Variants in GPBP1L1 observed in about 807,000 individuals in gnomAD.
The protein encoded by GPBP1L1 is GC-rich promoter binding protein 1 like 1, also known as vasculin-like protein 1.
GPBP1L1 carries 23 observed loss-of-function variants against 52.5 expected under a neutral mutation model. That is an observed-to-expected ratio of 0.44 (90% CI 0.32 to 0.62). GPBP1L1 has a LOEUF of 0.62. GPBP1L1 is among the 20% of genes least tolerant of loss of function. The probability of loss-of-function intolerance (pLI) is 0.06; values close to 1 mark genes in which losing one functional copy is unlikely to be tolerated. For missense variants in GPBP1L1, 596 were observed against 579.3 expected, an observed-to-expected ratio of 1.03 and a Z score of -0.30; for synonymous variants, 243 against 203.1, an observed-to-expected ratio of 1.20 and a Z score of -1.67.
At chr1:45,628,665 T>A (rs1315104017) in intron 12 of GPBP1L1, among the ~76,000 whole-genome samples, 1 of 152,154 alleles carries the variant, frequency 6.6e-6, no homozygotes, top group Non-Finnish European at 1.5e-5. Flanking sequence ...TATTTCTTTT[T>A]ATTTATTTAT....
At chr1:45,670,091 C>T (rs1186243993) in intron 2 of GPBP1L1, among the ~76,000 whole-genome samples, 3 of 152,196 alleles carry the variant, frequency 2.0e-5, no homozygotes, top group Non-Finnish European at 4.4e-5. Flanking sequence ...TTCTGAACAA[C>T]GTGTAACCAG....
At chr1:45,644,320 A>G (rs1177074066) in intron 6 of GPBP1L1, among the ~76,000 whole-genome samples, 1 of 152,234 alleles carries the variant, frequency 6.6e-6, no homozygotes, top group Non-Finnish European at 1.5e-5. Flanking sequence ...TCTCAGAGAC[A>G]ATGCTCCTAT....
chr1:45,659,194 T>C (rs1644918435), intron 3 of GPBP1L1, 52 bp from the exon 4 acceptor site: 2 of 1,034,426 alleles, frequency 1.9e-6, no homozygotes, highest in Non-Finnish European at 1.5e-6. Flanking sequence ...CTGATACCAA[T>C]GTGTAAAGGA....
intron 2 of GPBP1L1, among the ~76,000 whole-genome samples, chr1:45,684,599 C>G (rs1341046888): frequency 1.3e-5 from 2 of 151,920 alleles, no homozygotes; most frequent in Non-Finnish European, 2.9e-5. Context: ...TCCCCCCACA[C>G]CACAAATCAA....
At chr1:45,635,198 G>C (rs762156394) in intron 8 of GPBP1L1, 1 of 152,150 alleles carries the variant, frequency 6.6e-6, no homozygotes, top group African/African-American at 2.4e-5. Flanking sequence ...GGATGACACT[G>C]ACAATAAGGA....
intron 5 of GPBP1L1, 135 bp downstream of exon 5, chr1:45,655,053 TAA>T: frequency 8.8e-7 from 1 of 1,134,834 alleles, no homozygotes; most frequent in South Asian, 1.4e-5. Flanking sequence ...TGTAGTTGCG[TAA>T]TGACTACTAG....
rs752561290 is a variant in GPBP1L1 at position 45,664,863 on chromosome 1, GA to G, written c.-1097-3639del. On this transcript the variant is annotated intron_variant, in intron 2 of 12. Coordinates refer to ENST00000355105, the MANE Select transcript of GPBP1L1 (RefSeq NM_021639.5). ...CCGGTTAATTTTTGTATTTTTAGCAGAGATAGAGTTTCGCCATGTTAGCCAG... is the reference window on the plus strand; with the variant it reads ...CCGGTTAATTTTTGTATTTTTAGCAGGATAGAGTTTCGCCATGTTAGCCAG... Among the ~76,000 whole-genome samples, 234 of 152,170 alleles carry G rather than the reference GA, an allele frequency of 1.5e-3. 1 individual carries two copies. Among genetic ancestry groups the G allele is most frequent in the Non-Finnish European group, 2.6e-3 (177 of 68,018 alleles).
intron 2 of GPBP1L1, among the ~76,000 whole-genome samples, chr1:45,675,916 T>C (rs1645134109): frequency 6.6e-6 from 1 of 152,228 alleles, no homozygotes. Context: ...ATAGTATGTT[T>C]ATCTTTAAAT....
At chr1:45,682,808 G>A (rs1645226923) in intron 2 of GPBP1L1, among the ~76,000 whole-genome samples, 1 of 151,998 alleles carries the variant, frequency 6.6e-6, no homozygotes, top group Non-Finnish European at 1.5e-5. Flanking sequence ...GTATACCTGT[G>A]GACAAAAGTT....
intron 6 of GPBP1L1, among the ~76,000 whole-genome samples, chr1:45,643,377 A>G (rs925342185): frequency 2.0e-5 from 3 of 152,146 alleles, no homozygotes; most frequent in African/African-American, 7.2e-5. Context: ...GGTAATGAGG[A>G]TCCATCTTTC....
At chr1:45,642,537 C>G (rs775496811) in intron 6 of GPBP1L1, 38 bp from the exon 7 acceptor site, 1 of 1,549,044 alleles carries the variant, frequency 6.5e-7, no homozygotes, top group South Asian at 1.1e-5. Context: ...ATACAGAAAG[C>G]TGATCATTTT....
At chr1:45,632,019 G>A (rs1240125469) in intron 10 of GPBP1L1, among the ~76,000 whole-genome samples, 1 of 151,972 alleles carries the variant, frequency 6.6e-6, no homozygotes, top group East Asian at 1.9e-4. Flanking sequence ...TCTGGAATCC[G>A]AGACCAGCCT....
chr1:45,667,782 T>C lies in GPBP1L1; in HGVS notation c.-1097-6557A>G, dbSNP rs116465352. On this transcript the variant is annotated intron_variant, in intron 2 of 12. Transcript: ENST00000355105. ...TCCAGTTCTTTGAGACAGAGTCTCATTGTCGCCCAGGCTGGAGTACAATGG... is the reference window on the plus strand; with the variant it reads ...TCCAGTTCTTTGAGACAGAGTCTCACTGTCGCCCAGGCTGGAGTACAATGG... Among the ~76,000 whole-genome samples, 1,066 of 152,312 alleles carry C rather than the reference T, an allele frequency of 7.0e-3. 13 individuals carry two copies. The highest frequency in any genetic ancestry group is 0.025 in the African/African-American group (1,025 of 41,560).
At chr1:45,633,969 A>G (rs1022016739) in intron 9 of GPBP1L1, 127 bp downstream of exon 9, 12 of 1,104,692 alleles carry the variant, frequency 1.1e-5, no homozygotes, top group Non-Finnish European at 7.7e-6. Flanking sequence ...AAACATCAAT[A>G]AAGAAACTAT....
At chr1:45,680,055 G>A (rs1401726891) in intron 2 of GPBP1L1, among the ~76,000 whole-genome samples, 1 of 152,022 alleles carries the variant, frequency 6.6e-6, no homozygotes, top group South Asian at 2.1e-4. Context: ...ACTCCAATCT[G>A]AGCAACAGAG....
chr1:45,670,825 CTCTGTCACCCAGGCTGGAG>C (rs1645065731), intron 2 of GPBP1L1, among the ~76,000 whole-genome samples: 9 of 134,062 alleles, frequency 6.7e-5, no homozygotes, highest in African/African-American at 2.2e-4. Flanking sequence ...TGGAGTCTCA[CTCTGTCACCCAGGCTGGAG>C]TGCAGTGGTG....
upstream of GPBP1L1, chr1:45,687,982 C>A (rs1054696573): frequency 1.3e-5 from 2 of 152,182 alleles, no homozygotes; most frequent in African/African-American, 2.4e-5. Context: ...ACTCTACTTA[C>A]CCGAACTCTG....
Position 45,684,589 on chromosome 1 carries a change from T to TC in GPBP1L1, c.-1098+986dup, listed in dbSNP as rs147804149. ...TCAAAATAAAGGTTTCCCCAAGAGT[T>TC]CCCCCCACACCACAAATCAAGAGCT... On this transcript the variant is annotated intron_variant, in intron 2 of 12. Coordinates refer to ENST00000355105, the MANE Select transcript of GPBP1L1 (RefSeq NM_021639.5). 3.0e-3 allele frequency among the ~76,000 whole-genome samples: 455 copies of TC among 151,492 alleles called. 4 individuals carry two copies. Among genetic ancestry groups the TC allele is most frequent in the East Asian group, 0.022 (114 of 5,136 alleles).
At chr1:45,680,947 G>A (rs1441328774) in intron 2 of GPBP1L1, among the ~76,000 whole-genome samples, 1 of 152,078 alleles carries the variant, frequency 6.6e-6, no homozygotes, top group Non-Finnish European at 1.5e-5. Context: ...GATTGAATAT[G>A]CTGAGACAAC....
Sources: gnomAD v4.1 joint callset for allele counts (sites outside exome capture counted in the v4.1 genomes callset) on GRCh38, gnomAD v4.1.1 for gene constraint, MANE v1.5 for transcripts, NCBI Gene and HGNC (gene_info 2026-07-23, HGNC 2026-07-21) for gene names.